PCDH15: variants seen among roughly 807,000 people sequenced by gnomAD.
The protein encoded by PCDH15 is protocadherin related 15, also known as protocadherin-15.
In PCDH15, 129 loss-of-function variants were observed where a neutral mutation model predicts 178.5. The ratio of observed to expected loss-of-function variants is 0.72; its 90% CI spans 0.63 to 0.84. The LOEUF is 0.84. Ranked by LOEUF, PCDH15 falls within the 40% of genes least tolerant of loss-of-function variation. The pLI, the probability that PCDH15 is intolerant of heterozygous loss-of-function variation, is 0.00. For synonymous variants in PCDH15, 800 were observed against 732.0 expected (o/e 1.09, Z -1.50); for missense variants, 2,230 against 2,099.9 (o/e 1.06, Z -1.21).
chr10:55,107,681 C>T lies in PCDH15; in HGVS notation c.-80+58895G>A, dbSNP rs186630809. Among the ~76,000 whole-genome samples the T allele has an allele frequency of 9.5e-3, 1,442 of 151,414 alleles. 69 individuals carry two copies. The highest frequency in any genetic ancestry group is 0.08 in the Admixed American group (1,213 of 15,196). On this transcript the variant is annotated intron_variant, in intron 2 of 5. Coordinates refer to the PCDH15 transcript ENST00000458638. ...TAATTTTTTGTATCTTTAGTAGAGACGGGGTTTCATCATGTTGGCCAGGCT... is the reference window on the plus strand; with the variant it reads ...TAATTTTTTGTATCTTTAGTAGAGATGGGGTTTCATCATGTTGGCCAGGCT...
At chr10:53,881,336 G>T (rs988491480) in intron 26 of PCDH15, among the ~76,000 whole-genome samples, 3 of 152,034 alleles carry the variant, frequency 2.0e-5, no homozygotes, top group African/African-American at 7.2e-5. Flanking sequence ...TGAAGGATGA[G>T]AAATTACCTA....
At chr10:54,380,024 C>T (rs1948990116) in intron 3 of PCDH15, among the ~76,000 whole-genome samples, 1 of 152,002 alleles carries the variant, frequency 6.6e-6, no homozygotes, top group South Asian at 2.1e-4. Flanking sequence ...AATGTTATAC[C>T]GTTGCATAAT....
At chr10:54,579,769 A>G (rs2090862201) in intron 2 of PCDH15, among the ~76,000 whole-genome samples, 1 of 152,062 alleles carries the variant, frequency 6.6e-6, no homozygotes, top group Non-Finnish European at 1.5e-5. Flanking sequence ...AATTAAAATC[A>G]TATCAACCAT....
chr10:54,009,062 T>G (rs2660149), intron 20 of PCDH15, among the ~76,000 whole-genome samples: 27,059 of 152,064 alleles, frequency 0.18, 5,252 homozygotes, highest in African/African-American at 0.48. Flanking sequence ...ATCCATAATT[T>G]TGTCTTGTCC....
chr10:55,535,678 T>C (rs1226133094), intron 2 of PCDH15, among the ~76,000 whole-genome samples: 1 of 152,068 alleles, frequency 6.6e-6, no homozygotes, highest in African/African-American at 2.4e-5. Context: ...AGATATATTG[T>C]TCTAGAGAAT....
intron 25 of PCDH15, among the ~76,000 whole-genome samples, chr10:53,908,684 C>A (rs922593120): frequency 2.0e-5 from 3 of 152,196 alleles, no homozygotes; most frequent in Non-Finnish European, 2.9e-5. Context: ...GATTAAAAAA[C>A]ATACACTAGA....
intron 2 of PCDH15, among the ~76,000 whole-genome samples, chr10:55,124,950 A>G (rs1405784351): frequency 6.6e-6 from 1 of 151,822 alleles, no homozygotes; most frequent in Non-Finnish European, 1.5e-5. Flanking sequence ...TTCCATCAGG[A>G]CTCTAGGACT....
chr10:54,390,877 C>T (rs1031555966), intron 3 of PCDH15, among the ~76,000 whole-genome samples: 8 of 152,044 alleles, frequency 5.3e-5, no homozygotes, highest in African/African-American at 1.9e-4. Flanking sequence ...ATCATTTTCC[C>T]ATCTCATGTC....
At chr10:55,308,957 G>A (rs535797817) in intron 1 of PCDH15, among the ~76,000 whole-genome samples, 2 of 152,268 alleles carry the variant, frequency 1.3e-5, no homozygotes, top group South Asian at 2.1e-4. Flanking sequence ...CAACTTGAAT[G>A]TGAGTCACAA....
chr10:54,311,601 C>T (rs534937443), intron 8 of PCDH15, among the ~76,000 whole-genome samples: 2 of 151,954 alleles, frequency 1.3e-5, no homozygotes, highest in Admixed American at 6.6e-5. Flanking sequence ...GCATCCTCAA[C>T]GTAGTTTGGC....
chr10:55,088,973 G>A (rs536713886), intron 2 of PCDH15, among the ~76,000 whole-genome samples: 3 of 152,014 alleles, frequency 2.0e-5, no homozygotes, highest in African/African-American at 7.2e-5. Flanking sequence ...ACTACTGTTT[G>A]GGAGAAATAT....
At chr10:54,855,249 G>A (rs919308974) in intron 3 of PCDH15, among the ~76,000 whole-genome samples, 2 of 152,176 alleles carry the variant, frequency 1.3e-5, no homozygotes, top group African/African-American at 2.4e-5. Context: ...GCAGGTGCAG[G>A]AGCAGGAGAC....
At chr10:55,398,487 T>G (rs1837982537) in intron 2 of PCDH15, among the ~76,000 whole-genome samples, 1 of 152,162 alleles carries the variant, frequency 6.6e-6, no homozygotes, top group Non-Finnish European at 1.5e-5. Context: ...GTTGCAAGGT[T>G]TCTTTTTTGA....
At chr10:54,980,925 GA>G (rs1298613969) in intron 2 of PCDH15, among the ~76,000 whole-genome samples, 6 of 151,842 alleles carry the variant, frequency 4.0e-5, no homozygotes, top group African/African-American at 1.2e-4. Flanking sequence ...ATTGCTCACA[GA>G]AAGAAAGTGA....
chr10:55,496,966 A>C (rs189103827), intron 2 of PCDH15, among the ~76,000 whole-genome samples: 144 of 152,008 alleles, frequency 9.5e-4, no homozygotes, highest in Non-Finnish European at 1.5e-3. Context: ...AATAGGCAAA[A>C]TATGTAGTTT....
intron 25 of PCDH15, among the ~76,000 whole-genome samples, chr10:53,933,975 T>C (rs2085329297): frequency 6.6e-6 from 1 of 152,214 alleles, no homozygotes; most frequent in Admixed American, 6.5e-5. Flanking sequence ...ATATCTTCTT[T>C]TGAGAAGTGT....
chr10:54,839,695 C>A (rs140599709), intron 3 of PCDH15, among the ~76,000 whole-genome samples: 134 of 152,176 alleles, frequency 8.8e-4, no homozygotes, highest in African/African-American at 2.3e-3. Flanking sequence ...CAAGAAAGAT[C>A]ATCAAGAGAC....
rs887850036 is a variant in PCDH15, at chr10:55,528,666, G to A, written c.-156+98959C>T. On this transcript the variant is annotated intron_variant, in intron 2 of 5. Coordinates refer to the PCDH15 transcript ENST00000613346. ...GTTGGTTCCAAGCCTTTGCTATTGT[G>A]AATAGTGCCTCAATAAGCATACGTG... Among the ~76,000 whole-genome samples the A allele has an allele frequency of 3.9e-5, 6 of 152,192 alleles. 1 individual carries two copies. Among genetic ancestry groups the A allele is most frequent in the East Asian group, 1.9e-4 (1 of 5,170 alleles).
At chr10:53,984,276 A>G (rs2090940665) in intron 21 of PCDH15, among the ~76,000 whole-genome samples, 1 of 150,456 alleles carries the variant, frequency 6.6e-6, no homozygotes, top group African/African-American at 2.5e-5. Flanking sequence ...CAGCCTCCCA[A>G]GTAGCTGGGA....
Sources: gnomAD v4.1 joint callset for allele counts (sites outside exome capture counted in the v4.1 genomes callset) on GRCh38, gnomAD v4.1.1 for gene constraint, MANE v1.5 for transcripts, NCBI Gene and HGNC (gene_info 2026-07-23, HGNC 2026-07-21) for gene names.